Variants in OPA3 observed in about 807,000 individuals in gnomAD.
OPA3 encodes the protein outer mitochondrial membrane lipid metabolism regulator OPA3.
OPA3 carries 6 observed loss-of-function variants against 4.0 expected under a neutral mutation model. The ratio of observed to expected loss-of-function variants is 1.51; its 90% confidence interval spans 0.83 to 2.99. OPA3 has a LOEUF of 2.99. Among genes scored for constraint, OPA3 ranks in the 30% most tolerant of loss-of-function variants. The probability of loss-of-function intolerance (pLI) is 0.00; values close to 1 mark genes in which losing one functional copy is unlikely to be tolerated. For missense variants in OPA3, 235 were observed against 256.2 expected (o/e 0.92, Z 0.56); for synonymous variants, 105 against 117.1 (o/e 0.90, Z 0.67).
Position 45,553,133 on chromosome 19 carries a change from T to C in OPA3, c.*381A>G. On this transcript the variant is annotated 3_prime_UTR_variant, in exon 2 of 2. Coordinates refer to ENST00000263275, the MANE Select transcript of OPA3 (RefSeq NM_025136.4). ...AAGGTGTTCCAGTGTAACAGATGAGTGTCCCAGTAAAGGTTAACACTGATC... is the reference window on the plus strand; with the variant it reads ...AAGGTGTTCCAGTGTAACAGATGAGCGTCCCAGTAAAGGTTAACACTGATC... 1.7e-6 allele frequency: 2 copies of C among 1,180,262 alleles called. No homozygotes were observed. Among genetic ancestry groups the C allele is most frequent in the Non-Finnish European group, 2.1e-6 (2 of 946,304 alleles). The allele number at this position is 1,180,262 out of a possible 1,614,324, so 73.1% of individuals were successfully genotyped here. A position where few individuals can be genotyped will look rare whatever the true frequency, so the allele number is the denominator to read the frequency against.
intron 1 of OPA3, among the ~76,000 whole-genome samples, chr19:45,556,175 G>A (rs1162819374): frequency 1.3e-5 from 2 of 151,762 alleles, no homozygotes; most frequent in Non-Finnish European, 2.9e-5. Context: ...ACAGGATCTC[G>A]TTCTGTTGCC....
chr19:45,571,039 T>C (rs1969658703), intron 1 of OPA3, among the ~76,000 whole-genome samples: 1 of 149,436 alleles, frequency 6.7e-6, no homozygotes, highest in Non-Finnish European at 1.5e-5. Context: ...GTTTCATCCC[T>C]CTAATTTTTG....
chr19:45,551,783 C>G lies in OPA3; in HGVS notation c.*1731G>C. ...GCAGGAGGGTACTGCTACATGAAGA[C>G]AGGCTGTCGGGTCAGTCCAGAGCTC... On this transcript the variant is annotated 3_prime_UTR_variant, in exon 2 of 2. Coordinates refer to ENST00000263275, the MANE Select transcript of OPA3 (RefSeq NM_025136.4). The G allele has an allele frequency of 3.0e-6, 3 of 985,496 alleles. No individual in the cohort carries two copies. Among genetic ancestry groups the G allele is most frequent in the Non-Finnish European group, 3.6e-6 (3 of 829,980 alleles). 61.0% of individuals were successfully genotyped at this position (985,496 alleles called of 1,614,324 possible).
chr19:45,581,408 C>T (rs538636757), intron 1 of OPA3, among the ~76,000 whole-genome samples: 108 of 152,278 alleles, frequency 7.1e-4, no homozygotes, highest in African/African-American at 2.2e-3. Context: ...TGTCCTCACC[C>T]TTCAGGTCCC....
chr19:45,580,091 T>C (rs1465803125), intron 1 of OPA3, among the ~76,000 whole-genome samples: 1 of 147,392 alleles, frequency 6.8e-6, no homozygotes, highest in South Asian at 2.2e-4. Flanking sequence ...CCGCCTCCCA[T>C]GTTCAAGTGA....
intron 1 of OPA3, among the ~76,000 whole-genome samples, chr19:45,536,330 G>A (rs372089279): frequency 1.3e-5 from 2 of 151,636 alleles, no homozygotes; most frequent in East Asian, 3.9e-4. Flanking sequence ...GATCACATGA[G>A]GTCAGGAGTT....
chr19:45,572,308 C>CGATATATATCTCATATATGTT (rs1969681046), intron 1 of OPA3, among the ~76,000 whole-genome samples: 1 of 100,110 alleles, frequency 1.0e-5, no homozygotes, highest in East Asian at 2.5e-4. Context: ...TCATATATAT[C>CGATATATATCTCATATATGTT]GACATATATG....
intron 1 of OPA3, among the ~76,000 whole-genome samples, chr19:45,539,710 C>T (rs1003898428): frequency 4.6e-5 from 7 of 150,574 alleles, no homozygotes; most frequent in Middle Eastern, 3.4e-3. Flanking sequence ...GCAGACAGCG[C>T]GTCACTGCAC....
chr19:45,571,708 C>G (rs561625806), intron 1 of OPA3, among the ~76,000 whole-genome samples: 12 of 152,122 alleles, frequency 7.9e-5, no homozygotes, highest in Non-Finnish European at 1.6e-4. Flanking sequence ...CCCTTCCCTA[C>G]GTCCACCAAA....
Position 45,549,432 on chromosome 19 carries a change from G to T in OPA3, c.*4082C>A. 1.0e-6 allele frequency: 1 copy of T among 985,318 alleles called. No homozygotes were observed. Among genetic ancestry groups the T allele is most frequent in the Non-Finnish European group, 1.2e-6 (1 of 829,962 alleles). The allele number at this position is 985,318 out of a possible 1,614,324, so 61.0% of individuals were successfully genotyped here. A position where few individuals can be genotyped will look rare whatever the true frequency, so the allele number is the denominator to read the frequency against. On this transcript the variant is annotated 3_prime_UTR_variant, in exon 2 of 2. Coordinates refer to ENST00000263275, the MANE Select transcript of OPA3 (RefSeq NM_025136.4). ...GAGAGCAGCACTCCATCTGGGTCAG[G>T]ACAGCGCTGGGGTCAGGAATTGGAG...
chr19:45,536,494 G>A (rs1969119861), intron 1 of OPA3, among the ~76,000 whole-genome samples: 1 of 150,154 alleles, frequency 6.7e-6, no homozygotes, highest in Non-Finnish European at 1.5e-5. Flanking sequence ...GTTGCAGTAA[G>A]TCAAGATCGT....
At chr19:45,532,824 C>T (rs1969073656) in intron 1 of OPA3, among the ~76,000 whole-genome samples, 1 of 152,060 alleles carries the variant, frequency 6.6e-6, no homozygotes, top group Non-Finnish European at 1.5e-5. Context: ...AGCAATCCTC[C>T]CACCTCAGCC....
At chr19:45,566,060 G>A (rs568592233) in intron 1 of OPA3, among the ~76,000 whole-genome samples, 5 of 152,254 alleles carry the variant, frequency 3.3e-5, no homozygotes, top group African/African-American at 7.2e-5. Flanking sequence ...ATTAGCAAAC[G>A]AAAGCCAGCA....
intron 1 of OPA3, among the ~76,000 whole-genome samples, chr19:45,555,746 C>T (rs1969411754): frequency 6.6e-6 from 1 of 152,178 alleles, no homozygotes; most frequent in Non-Finnish European, 1.5e-5. Context: ...CCACCTCGGC[C>T]TCCCAAAGTG....
rs530192525 is a variant in OPA3 at position 45,551,612 on chromosome 19, T to C, written c.*1902A>G. ...TTCAGACTTCTGGACTCCAGAACTG[T>C]GTGAATTAAATTCCTGTTGGACTTA... On this transcript the variant is annotated 3_prime_UTR_variant, in exon 2 of 2. Transcript: ENST00000263275. The C allele has an allele frequency of 1.8e-5, 13 of 707,958 alleles. No homozygotes were observed. The highest frequency in any genetic ancestry group is 1.3e-4 in the African/African-American group (7 of 51,886). 43.9% of individuals were successfully genotyped at this position (707,958 alleles called of 1,614,324 possible). A position where few individuals can be genotyped will look rare whatever the true frequency, so the allele number is the denominator to read the frequency against.
Position 45,550,627 on chromosome 19 carries a change from T to G in OPA3, c.*2887A>C. 1 of 986,188 alleles carries G rather than the reference T, an allele frequency of 1.0e-6. No individual in the cohort carries two copies. The highest frequency in any genetic ancestry group is 4.7e-5 in the South Asian group (1 of 21,294). The allele number at this position is 986,188 out of a possible 1,614,324, so 61.1% of individuals were successfully genotyped here. ...GGCATCTCTGGCAAGTCCCTTTGCT[T>G]ACCCCTGGCCTTAGTTTCCCCAGCT... is the stretch of plus-strand genomic sequence containing the variant. On this transcript the variant is annotated 3_prime_UTR_variant, in exon 2 of 2. Transcript: ENST00000263275.
At chr19:45,584,577 G>T in intron 1 of OPA3, 46 bp downstream of exon 1, 1 of 1,613,952 alleles carries the variant, frequency 6.2e-7, no homozygotes, top group Non-Finnish European at 8.5e-7. Flanking sequence ...ACCTGACAGG[G>T]GTTGGAGAAA....
intron 1 of OPA3, among the ~76,000 whole-genome samples, chr19:45,532,461 C>G (rs972171718): frequency 3.3e-5 from 5 of 152,072 alleles, no homozygotes; most frequent in Non-Finnish European, 5.9e-5. Context: ...TGAGGGTGGT[C>G]TTGGTGACCC....
intron 1 of OPA3, among the ~76,000 whole-genome samples, chr19:45,580,934 A>T (rs925900696): frequency 6.6e-6 from 1 of 152,152 alleles, no homozygotes; most frequent in Non-Finnish European, 1.5e-5. Context: ...CATTTTCTAA[A>T]CCACAACGCT....
Sources: allele counts gnomAD v4.1 joint callset (sites outside exome capture counted in the v4.1 genomes callset), GRCh38; gene constraint gnomAD v4.1.1; transcripts MANE v1.5; gene names NCBI Gene and HGNC (gene_info 2026-07-23, HGNC 2026-07-21).